SEL1L3: variants seen among roughly 807,000 people sequenced by gnomAD.
SEL1L3 encodes the protein SEL1L family member 3.
In SEL1L3, 76 loss-of-function variants were observed where a neutral mutation model predicts 142.8. That is an observed-to-expected ratio of 0.53 (90% confidence interval 0.44 to 0.64). The LOEUF (loss-of-function observed/expected upper bound fraction) is 0.64, where lower values mean the gene tolerates loss of function less well. Ranked by LOEUF, SEL1L3 falls within the 30% of genes least tolerant of loss-of-function variation. The pLI, the probability that SEL1L3 is intolerant of heterozygous loss-of-function variation, is 0.00. For missense variants in SEL1L3, 1,262 were observed against 1,381.7 expected (o/e 0.91, Z 1.37); for synonymous variants, 504 against 519.6 (o/e 0.97, Z 0.41).
chr4:25,772,476 T>A (rs1174129273), intron 17 of SEL1L3, among the ~76,000 whole-genome samples: 1 of 152,132 alleles, frequency 6.6e-6, no homozygotes, highest in Non-Finnish European at 1.5e-5. Context: ...TCCCCACTCC[T>A]AAGTTTACAT....
intron 9 of SEL1L3, among the ~76,000 whole-genome samples, chr4:25,808,506 G>A (rs1713756063): frequency 1.3e-5 from 2 of 152,150 alleles, no homozygotes; most frequent in African/African-American, 4.8e-5. Context: ...CGAGAATTCA[G>A]GAGCAGAAAG....
At position 25,765,176 on chromosome 4, in the gene SEL1L3, TAG is replaced by T. The variant is rs2109134587; in HGVS notation, c.2955+148_2955+149del. On this transcript the variant is annotated intron_variant, in intron 20 of 23. Coordinates refer to ENST00000399878, the MANE Select transcript of SEL1L3 (RefSeq NM_015187.5). ...CACCCAGCTAATTTTTGTATTTTTG[TAG>T]AGATGGGGTTTCGCCATGTTGCTCA... 4.9e-6 allele frequency: 3 copies of T among 609,800 alleles called. No homozygotes were observed. The South Asian group carries it at 5.8e-5, about 12-fold the overall frequency. 37.8% of individuals were successfully genotyped at this position (609,800 alleles called of 1,614,324 possible).
At position 25,835,270 on chromosome 4, in the gene SEL1L3, T is replaced by C. The variant is rs932721149; in HGVS notation, c.787A>G (p.Ile263Val). ...PYASSGENTG[I>V]VKKFPRFRNR... ...CGAAACCTCGGGAACTTCTTGACAATGCCTGTGTTTTCTCCACTGGAGGCA... is the reference window on the plus strand; with the variant it reads ...CGAAACCTCGGGAACTTCTTGACAACGCCTGTGTTTTCTCCACTGGAGGCA... Residue 263 changes from isoleucine (I) to valine (V), a missense_variant, in exon 3 of 24, where the codon ATT (isoleucine) becomes GTT (valine). Physicochemically the swap from Ile to Val is conservative, Grantham distance 29. Transcript: ENST00000399878. The C allele has an allele frequency of 1.2e-6, 2 of 1,613,908 alleles. No homozygotes were observed. The highest frequency in any genetic ancestry group is 1.7e-6 in the Non-Finnish European group (2 of 1,179,902).
At chr4:25,809,364 C>T (rs368284934) in intron 9 of SEL1L3, among the ~76,000 whole-genome samples, 12 of 150,554 alleles carry the variant, frequency 8.0e-5, no homozygotes, top group African/African-American at 2.2e-4. Context: ...AGTCTGGTCT[C>T]GAACTCCTGG....
At position 25,788,274 on chromosome 4, in the gene SEL1L3, C is replaced by T; in HGVS notation, c.2167G>A (p.Glu723Lys). The change falls in exon 13 of 24, where the codon GAG (glutamate) becomes AAG (lysine). Residue 723 changes from glutamate (E) to lysine (K), a missense_variant. Physicochemically the swap from Glu to Lys is moderately conservative, Grantham distance 56. Transcript: ENST00000399878. The surrounding 1 kb of genome is among the most constrained non-coding windows in gnomAD (Gnocchi z 5.3). The stretch of plus-strand genomic sequence containing the variant: ...TAGATTAACGCAGGATCCTCCGTCT[C>T]CAGGGCGCCCTTGGCGTACCACTCA... ...AIEWYAKGAL[E>K]TEDPALIYDY... 6.2e-7 allele frequency: 1 copy of T among 1,613,970 alleles called. No individual in the cohort carries two copies. The highest frequency in any genetic ancestry group is 1.1e-5 in the South Asian group (1 of 91,080).
chr4:25,833,358 G>A, intron 4 of SEL1L3, 90 bp downstream of exon 4: 1 of 1,274,936 alleles, frequency 7.8e-7, no homozygotes, highest in Non-Finnish European at 1.1e-6. Flanking sequence ...ATGTTGACAG[G>A]ATCTTCCTTA....
At chr4:25,824,598 T>C (rs1714975921) in intron 6 of SEL1L3, among the ~76,000 whole-genome samples, 1 of 152,218 alleles carries the variant, frequency 6.6e-6, no homozygotes, top group Non-Finnish European at 1.5e-5. Flanking sequence ...ATCTTGAGTT[T>C]CATGCTTAGC....
At chr4:25,733,397 T>A in the SEL1L3 span, among the ~76,000 whole-genome samples, 1 of 152,078 alleles carries the variant, frequency 6.6e-6, no homozygotes. Flanking sequence ...GTTGTTTTCT[T>A]AATTTTTCCA....
chr4:25,726,990 GTGGT>G, the SEL1L3 span, among the ~76,000 whole-genome samples: 112,405 of 151,228 alleles, frequency 0.74, 42,062 homozygotes, highest in African/African-American at 0.8. Context: ...GTGTTCTCAT[GTGGT>G]TGGTCGTCCC....
intron 19 of SEL1L3, among the ~76,000 whole-genome samples, chr4:25,766,383 T>C (rs1560283416): frequency 6.9e-6 from 1 of 143,914 alleles, no homozygotes; most frequent in Non-Finnish European, 1.5e-5. Context: ...GAGGTTGCAG[T>C]GAGCCGAGAT....
the SEL1L3 span, among the ~76,000 whole-genome samples, chr4:25,730,673 G>A: frequency 4.5e-4 from 68 of 152,044 alleles, no homozygotes; most frequent in Non-Finnish European, 7.5e-4. Flanking sequence ...CTTTGCTTCT[G>A]AGCACTTTCA....
chr4:25,745,889 T>G (rs760097380), downstream of SEL1L3, among the ~76,000 whole-genome samples: 30 of 152,198 alleles, frequency 2.0e-4, no homozygotes, highest in Non-Finnish European at 4.1e-4. Flanking sequence ...CCCAACAGAT[T>G]GGAAATGGGT....
intron 2 of SEL1L3, among the ~76,000 whole-genome samples, chr4:25,844,995 C>G (rs1259334064): frequency 6.6e-6 from 1 of 151,842 alleles, no homozygotes; most frequent in Non-Finnish European, 1.5e-5. Context: ...ATAAACCAGA[C>G]AGACAGGGTT....
chr4:25,735,401 T>C, the SEL1L3 span, among the ~76,000 whole-genome samples: 1 of 152,136 alleles, frequency 6.6e-6, no homozygotes, highest in Non-Finnish European at 1.5e-5. Flanking sequence ...TTTTTATTCT[T>C]GATATTGGGA....
At chr4:25,741,321 G>A in the SEL1L3 span, among the ~76,000 whole-genome samples, 6 of 151,318 alleles carry the variant, frequency 4.0e-5, no homozygotes, top group African/African-American at 1.2e-4. Context: ...GGCTGGTCTC[G>A]AACTCCTGAC....
chr4:25,730,135 T>C, the SEL1L3 span, among the ~76,000 whole-genome samples: 1 of 152,140 alleles, frequency 6.6e-6, no homozygotes, highest in African/African-American at 2.4e-5. Flanking sequence ...GGTTTCACTA[T>C]GTTGGCCAGT....
At chr4:25,737,667 G>A in the SEL1L3 span, among the ~76,000 whole-genome samples, 1 of 152,106 alleles carries the variant, frequency 6.6e-6, no homozygotes, top group African/African-American at 2.4e-5. Flanking sequence ...TATCTGTGGG[G>A]ATTGGTTCCA....
chr4:25,757,771 C>G lies in SEL1L3; in HGVS notation c.3103G>C (p.Glu1035Gln). The change falls in exon 22 of 24, where the codon GAG becomes CAG. Residue 1035 changes from glutamate (E) to glutamine (Q), a missense_variant. Glu to Gln is a conservative substitution (Grantham distance 29, BLOSUM62 2). This residue lies in a region of SEL1L3 where 138 missense variants were observed against 129.7 expected (regional missense o/e 1.06). Transcript: ENST00000399878. ...LYERCWSHSN[E>Q]ESFSPCSLAW... The stretch of plus-strand genomic sequence containing the variant: ...AAGGAGCAGGGGCTGAAGGACTCCT[C>G]GTTACTGTGGCTCCAGCACCTGCAG... 2 of 1,584,368 alleles carry G rather than the reference C, an allele frequency of 1.3e-6. No homozygotes were observed. Among genetic ancestry groups the G allele is most frequent in the Non-Finnish European group, 1.7e-6 (2 of 1,165,774 alleles).
the SEL1L3 span, among the ~76,000 whole-genome samples, chr4:25,742,347 G>A: frequency 4.0e-5 from 6 of 151,182 alleles, no homozygotes; most frequent in East Asian, 2.0e-4. Context: ...CACCACAGCC[G>A]GCTAATTTTT....
Sources: allele counts gnomAD v4.1 joint callset (sites outside exome capture counted in the v4.1 genomes callset), GRCh38; gene constraint gnomAD v4.1.1; regional missense constraint gnomAD v4.1.1; non-coding constraint Gnocchi (gnomAD v3.1); transcripts MANE v1.5; gene names NCBI Gene and HGNC (gene_info 2026-07-23, HGNC 2026-07-21).